Variants in KLRD1 observed in about 807,000 individuals in gnomAD.
The protein encoded by KLRD1 is killer cell lectin like receptor D1, also known as natural killer cells antigen CD94.
Under a neutral mutation model 22.6 loss-of-function variants are expected in KLRD1, and 21 were observed. The ratio of observed to expected loss-of-function variants is 0.93; its 90% CI spans 0.66 to 1.34. The LOEUF is 1.34. Ranked by LOEUF, KLRD1 falls within the 40% of genes most tolerant of loss-of-function variation. The probability of loss-of-function intolerance (pLI) is 0.00; values close to 1 mark genes in which losing one functional copy is unlikely to be tolerated. For missense variants in KLRD1, 183 were observed against 208.6 expected, an observed-to-expected ratio of 0.88 and a Z score of 0.76; for synonymous variants, 59 against 71.1, an observed-to-expected ratio of 0.83 and a Z score of 0.85.
chr12:10,291,149 A>G (rs1401701096), intron 1 of KLRD1, among the ~76,000 whole-genome samples: 2 of 152,236 alleles, frequency 1.3e-5, no homozygotes, highest in African/African-American at 4.8e-5. Flanking sequence ...TTGATTAAAA[A>G]TATTGCCAGA....
At chr12:10,283,900 G>T (rs974945882) in intron 1 of KLRD1, among the ~76,000 whole-genome samples, 2 of 152,190 alleles carry the variant, frequency 1.3e-5, no homozygotes, top group African/African-American at 2.4e-5. Flanking sequence ...TGTTGGCTGG[G>T]CATGGTGGCT....
At chr12:10,256,910 AT>A (rs949150124) in intron 1 of KLRD1, among the ~76,000 whole-genome samples, 6 of 151,670 alleles carry the variant, frequency 4.0e-5, no homozygotes, top group Admixed American at 2.6e-4. Flanking sequence ...ACTGCCTCAG[AT>A]TTTTTTTATC....
At chr12:10,266,981 G>A (rs549508693) in intron 1 of KLRD1, among the ~76,000 whole-genome samples, 5 of 149,502 alleles carry the variant, frequency 3.3e-5, no homozygotes, top group Admixed American at 6.7e-5. Flanking sequence ...TGTGCACAAC[G>A]TGCAGGTTTG....
At chr12:10,243,211 A>C (rs1391270213) in intron 1 of KLRD1, among the ~76,000 whole-genome samples, 2 of 152,164 alleles carry the variant, frequency 1.3e-5, no homozygotes, top group African/African-American at 4.8e-5. Flanking sequence ...AAAGTATGTG[A>C]AGTGATGAAT....
rs202219904 is a variant in KLRD1, at chr12:10,312,447, T to C, written c.315+832T>C. Among the ~76,000 whole-genome samples the C allele has an allele frequency of 3.7e-3, 559 of 150,816 alleles. 18 individuals carry two copies. In the East Asian group the frequency reaches 0.064, roughly 17 times the overall value. ...AGGCTGGAGTGCAGTGGCGTGATCT[T>C]GGCTCACTGCAAGCTCCTCCTCCCG... is the stretch of plus-strand genomic sequence containing the variant. On this transcript the variant is annotated intron_variant, in intron 4 of 5. Transcript: ENST00000336164.
At position 10,324,453 on chromosome 12, in the gene KLRD1, A is replaced by T. The variant is rs1490773951; in HGVS notation, c.*9660A>T. The T allele has an allele frequency of 6.6e-6, 1 of 150,716 alleles. No homozygotes were observed. The highest frequency in any genetic ancestry group is 2.4e-5 in the African/African-American group (1 of 40,898). The allele number at this position is 150,716 out of a possible 1,614,324, so 9.3% of individuals were successfully genotyped here. A position where few individuals can be genotyped will look rare whatever the true frequency, so the allele number is the denominator to read the frequency against. On this transcript the variant is annotated 3_prime_UTR_variant, in exon 6 of 6. Transcript: ENST00000336164. ...CTTTTTTTGTGTGCCTGTGTACTCC[A>T]TGGTTAGCTCCCACTTATAAGGGAG...
chr12:10,280,482 C>T (rs751431785), intron 1 of KLRD1, among the ~76,000 whole-genome samples: 146 of 152,166 alleles, frequency 9.6e-4, no homozygotes, highest in South Asian at 3.9e-3. Flanking sequence ...TTTTTAGCTA[C>T]CCATAGTCTA....
chr12:10,253,275 G>A (rs142539219), intron 1 of KLRD1, among the ~76,000 whole-genome samples: 8 of 152,220 alleles, frequency 5.3e-5, no homozygotes, highest in Admixed American at 1.3e-4. Context: ...TTAGGCGTAC[G>A]TTGGGCCCCT....
chr12:10,271,239 C>G (rs957747759), intron 1 of KLRD1, among the ~76,000 whole-genome samples: 1 of 152,118 alleles, frequency 6.6e-6, no homozygotes, highest in Admixed American at 6.5e-5. Context: ...CATGAGGTAT[C>G]TCACATCCTC....
chr12:10,263,145 T>C (rs979180062), intron 1 of KLRD1, among the ~76,000 whole-genome samples: 1 of 152,158 alleles, frequency 6.6e-6, no homozygotes, highest in Admixed American at 6.5e-5. Flanking sequence ...TATGCTGAGC[T>C]ATTTTAATAT....
chr12:10,266,615 T>A (rs1949501205), intron 1 of KLRD1, among the ~76,000 whole-genome samples: 1 of 151,626 alleles, frequency 6.6e-6, no homozygotes, highest in Non-Finnish European at 1.5e-5. Context: ...CTTAAAAAAA[T>A]TATTTTTTCA....
At chr12:10,282,514 C>G (rs1333287315) in intron 1 of KLRD1, among the ~76,000 whole-genome samples, 1 of 152,194 alleles carries the variant, frequency 6.6e-6, no homozygotes, top group South Asian at 2.1e-4. Flanking sequence ...GCCTCAGCCT[C>G]CCAAAGTGCT....
chr12:10,311,872 A>G (rs1412696883), intron 4 of KLRD1, among the ~76,000 whole-genome samples: 1 of 152,166 alleles, frequency 6.6e-6, no homozygotes, highest in South Asian at 2.1e-4. Context: ...GAATTCAAAG[A>G]AGATAATAGG....
chr12:10,296,527 TA>T (rs971655350), intron 1 of KLRD1, among the ~76,000 whole-genome samples: 15 of 150,780 alleles, frequency 9.9e-5, no homozygotes, highest in African/African-American at 3.7e-4. Context: ...AAAATAAAAA[TA>T]AAAAAAACCA....
intron 1 of KLRD1, among the ~76,000 whole-genome samples, chr12:10,289,912 G>T (rs1308408552): frequency 6.6e-6 from 1 of 152,114 alleles, no homozygotes; most frequent in Non-Finnish European, 1.5e-5. Flanking sequence ...CCGAGTAGCT[G>T]GGATTACAGG....
Position 10,321,326 on chromosome 12 carries a change from A to C in KLRD1, c.*6533A>C, listed in dbSNP as rs1950310421. 1.3e-5 allele frequency: 2 copies of C among 152,178 alleles called. No individual in the cohort carries two copies. The highest frequency in any genetic ancestry group is 2.1e-4 in the South Asian group (1 of 4,832). 9.4% of individuals were successfully genotyped at this position (152,178 alleles called of 1,614,324 possible). A position where few individuals can be genotyped will look rare whatever the true frequency, so the allele number is the denominator to read the frequency against. ...AGAAAAATGATACTCAAGAAGCTAA[A>C]CTTAAGGAACTTCACCTGATGAGTC... On this transcript the variant is annotated 3_prime_UTR_variant, in exon 6 of 6. Coordinates refer to ENST00000336164, the MANE Select transcript of KLRD1 (RefSeq NM_002262.5).
chr12:10,291,088 C>T (rs999764663), intron 1 of KLRD1, among the ~76,000 whole-genome samples: 2 of 152,176 alleles, frequency 1.3e-5, no homozygotes, highest in Non-Finnish European at 2.9e-5. Flanking sequence ...CACTGTACTG[C>T]AGTCTATTAA....
chr12:10,239,518 C>CCTTTCTTTCTTT (rs55671846), intron 1 of KLRD1, among the ~76,000 whole-genome samples: 76 of 59,514 alleles, frequency 1.3e-3, no homozygotes, highest in South Asian at 1.9e-3. Flanking sequence ...CCTTCCCTCC[C>CCTTTCTTTCTTT]CTTTCTTTCT....
chr12:10,325,262 G>A lies in KLRD1; in HGVS notation c.*10469G>A, dbSNP rs567356225. The A allele has an allele frequency of 6.6e-6, 1 of 152,130 alleles. No individual in the cohort carries two copies. Among genetic ancestry groups the A allele is most frequent in the East Asian group, 1.9e-4 (1 of 5,168 alleles). 9.4% of individuals were successfully genotyped at this position (152,130 alleles called of 1,614,324 possible). On this transcript the variant is annotated 3_prime_UTR_variant, in exon 6 of 6. Coordinates refer to ENST00000336164, the MANE Select transcript of KLRD1 (RefSeq NM_002262.5). ...TTAAATGTTTTATTCTGCCTCGATT[G>A]AAATCAGATAGTTTTTATTTCCCAG...
Sources: allele counts gnomAD v4.1 joint callset (sites outside exome capture counted in the v4.1 genomes callset), GRCh38; gene constraint gnomAD v4.1.1; transcripts MANE v1.5; gene names NCBI Gene and HGNC (gene_info 2026-07-23, HGNC 2026-07-21).